The following SBF2 variants were observed in gnomAD, a reference collection of about 807,000 sequenced individuals.
SBF2 encodes myotubularin-related protein 13.
In SBF2, 112 loss-of-function variants were observed where a neutral mutation model predicts 225.2. That is an observed-to-expected ratio of 0.50 (90% CI 0.43 to 0.58). The LOEUF is 0.58. Ranked by LOEUF, SBF2 falls within the 20% of genes least tolerant of loss-of-function variation. SBF2 has a pLI of 0.00. For synonymous variants in SBF2, 763 were observed against 773.3 expected, an observed-to-expected ratio of 0.99 and a Z score of 0.22; for missense variants, 1,996 against 2,206.2, an observed-to-expected ratio of 0.90 and a Z score of 1.91.
intron 2 of SBF2, among the ~76,000 whole-genome samples, chr11:10,047,027 A>G (rs1005375170): frequency 2.6e-5 from 4 of 152,158 alleles, no homozygotes; most frequent in African/African-American, 9.6e-5. Context: ...CATTTACATT[A>G]GCACTCCACT....
At chr11:10,152,620 A>G (rs1245663512) in intron 2 of SBF2, among the ~76,000 whole-genome samples, 1 of 152,192 alleles carries the variant, frequency 6.6e-6, no homozygotes, top group African/African-American at 2.4e-5. Flanking sequence ...CAACTGAGAT[A>G]CAGTGAATGC....
intron 2 of SBF2, among the ~76,000 whole-genome samples, chr11:10,174,101 C>T (rs372968600): frequency 0.1 from 15,336 of 151,776 alleles, 947 homozygotes; most frequent in Non-Finnish European, 0.11. Flanking sequence ...AAAAGCAGAG[C>T]GCCTCTCCTC....
chr11:10,062,176 T>C (rs115663193), intron 2 of SBF2, among the ~76,000 whole-genome samples: 203 of 152,270 alleles, frequency 1.3e-3, no homozygotes, highest in African/African-American at 4.6e-3. Context: ...TCACACCATA[T>C]ACAAAAATCA....
At chr11:9,901,863 T>A (rs1295220889) in intron 16 of SBF2, among the ~76,000 whole-genome samples, 2 of 152,148 alleles carry the variant, frequency 1.3e-5, no homozygotes, top group African/African-American at 4.8e-5. Context: ...CAGGATGGAA[T>A]CAAACTCCTG....
chr11:9,905,497 G>C (rs1428869496), intron 16 of SBF2, among the ~76,000 whole-genome samples: 3 of 152,168 alleles, frequency 2.0e-5, no homozygotes, highest in Admixed American at 6.5e-5. Flanking sequence ...TATGTGCCAG[G>C]CATGCTGTAG....
chr11:9,966,609 G>C (rs1384175550), intron 14 of SBF2, among the ~76,000 whole-genome samples: 1 of 152,100 alleles, frequency 6.6e-6, no homozygotes, highest in Non-Finnish European at 1.5e-5. Flanking sequence ...AGTTAGTAAA[G>C]GAAGACAACT....
chr11:10,051,635 T>C (rs1159542094), intron 2 of SBF2, among the ~76,000 whole-genome samples: 1 of 152,094 alleles, frequency 6.6e-6, no homozygotes, highest in Admixed American at 6.6e-5. Context: ...ATTAAATATA[T>C]TGTGCATTTA....
intron 1 of SBF2, among the ~76,000 whole-genome samples, chr11:10,226,543 T>C (rs938394260): frequency 1.2e-4 from 18 of 148,602 alleles, no homozygotes; most frequent in East Asian, 6.3e-4. Context: ...TGTGTTCTCA[T>C]TGTTCAATTC....
chr11:10,083,652 C>G (rs1951449724), intron 2 of SBF2, among the ~76,000 whole-genome samples: 2 of 152,078 alleles, frequency 1.3e-5, no homozygotes, highest in African/African-American at 4.8e-5. Flanking sequence ...ATAAATGGTG[C>G]TAGGGAAATT....
intron 2 of SBF2, among the ~76,000 whole-genome samples, chr11:10,192,897 G>C (rs2135326304): frequency 6.6e-6 from 1 of 152,268 alleles, no homozygotes; most frequent in Non-Finnish European, 1.5e-5. Flanking sequence ...TAAATCTGGA[G>C]AACCAAACTT....
chr11:10,293,794 G>T (rs775970860), intron 1 of SBF2, among the ~76,000 whole-genome samples: 1 of 152,140 alleles, frequency 6.6e-6, no homozygotes, highest in Non-Finnish European at 1.5e-5. Flanking sequence ...CCAGGGGCTG[G>T]GCAGACGCGG....
rs60903141 is a variant in SBF2 at position 10,193,351 on chromosome 11, C to CTTTT, written c.141+547_141+550dup. Among the ~76,000 whole-genome samples, 140 of 110,476 alleles carry CTTTT rather than the reference C, an allele frequency of 1.3e-3. 1 individual carries two copies. The highest frequency in any genetic ancestry group is 2.1e-3 in the East Asian group (8 of 3,772). 72.5% of individuals were successfully genotyped at this position (110,476 alleles called of 152,430 possible). The stretch of plus-strand genomic sequence containing the variant: ...AGTATATGAAAATCATCAATTTCAT[C>CTTTT]TTTTTTTTTTTTTTTTTTTTTGAGA... On this transcript the variant is annotated intron_variant, in intron 2 of 39. Coordinates refer to ENST00000256190, the MANE Select transcript of SBF2 (RefSeq NM_030962.4).
chr11:9,853,534 G>A lies in SBF2; in HGVS notation c.2536+6C>T, dbSNP rs1350644335. 2 of 1,611,976 alleles carry A rather than the reference G, an allele frequency of 1.2e-6. No homozygotes were observed. The highest frequency in any genetic ancestry group is 2.2e-5 in the South Asian group (2 of 91,042). On this transcript the variant is annotated splice_donor_region_variant and intron_variant, in intron 20 of 39. Coordinates refer to ENST00000256190, the MANE Select transcript of SBF2 (RefSeq NM_030962.4). ...TCTGATTCTCTAATATCTGCAGAGT[G>A]ATTACCTGGTATCATGCAATGAAGG...
At chr11:10,295,171 T>C (rs185051317), upstream of SBF2, among the ~76,000 whole-genome samples, 594 of 152,368 alleles carry the variant, frequency 3.9e-3, 2 homozygotes, top group Non-Finnish European at 7.2e-3. Flanking sequence ...AGAAGTTGTC[T>C]TTGTGGTTGC....
intron 8 of SBF2, among the ~76,000 whole-genome samples, chr11:10,000,662 AATAAAG>A (rs1465621854): frequency 2.0e-5 from 3 of 152,212 alleles, no homozygotes; most frequent in South Asian, 2.1e-4. Context: ...TAAGATGAAT[AATAAAG>A]ATAAACAATG....
intron 1 of SBF2, chr11:10,302,706 C>T (rs1009879693): frequency 6.6e-6 from 1 of 152,326 alleles, no homozygotes; most frequent in Non-Finnish European, 1.5e-5. Context: ...CCTGGCAGAG[C>T]CACAGCTCAA....
chr11:9,901,215 A>C (rs1861695620), intron 16 of SBF2, among the ~76,000 whole-genome samples: 1 of 152,242 alleles, frequency 6.6e-6, no homozygotes, highest in Non-Finnish European at 1.5e-5. Flanking sequence ...ATAAGTAGAA[A>C]CTTGGAAAGA....
intron 2 of SBF2, among the ~76,000 whole-genome samples, chr11:10,156,167 C>T (rs1955467072): frequency 6.6e-6 from 1 of 152,234 alleles, no homozygotes; most frequent in Non-Finnish European, 1.5e-5. Context: ...ACTCTGATTT[C>T]AGAGAAAAGC....
At chr11:10,260,291 G>A (rs1332581930) in intron 1 of SBF2, among the ~76,000 whole-genome samples, 1 of 152,142 alleles carries the variant, frequency 6.6e-6, no homozygotes, top group Non-Finnish European at 1.5e-5. Flanking sequence ...ATGCAAAGAA[G>A]AGCCAATATC....
Sources: gnomAD v4.1 joint callset for allele counts (sites outside exome capture counted in the v4.1 genomes callset) on GRCh38, gnomAD v4.1.1 for gene constraint, MANE v1.5 for transcripts, NCBI Gene and HGNC (gene_info 2026-07-23, HGNC 2026-07-21) for gene names.